The following FOXL2NB variants were observed in gnomAD, a reference collection of about 807,000 sequenced individuals.
FOXL2NB encodes the protein FOXL2 neighbor protein.
In FOXL2NB, 10 loss-of-function variants were observed where a neutral mutation model predicts 7.4. The observed-to-expected ratio is 1.34, with a 90% CI of 0.83 to 2.28. FOXL2NB has a LOEUF of 2.28. Among genes scored for constraint, FOXL2NB ranks in the 30% most tolerant of loss-of-function variants. The probability of loss-of-function intolerance (pLI) is 0.00; values close to 1 mark genes in which losing one functional copy is unlikely to be tolerated. For synonymous variants in FOXL2NB, 104 were observed against 105.3 expected, an observed-to-expected ratio of 0.99 and a Z score of 0.08; for missense variants, 228 against 233.9, an observed-to-expected ratio of 0.97 and a Z score of 0.17.
At position 138,947,645 on chromosome 3, in the gene FOXL2NB, C is replaced by T; in HGVS notation, c.100+181C>T. The T allele has an allele frequency of 7.3e-7, 1 of 1,371,882 alleles. No homozygotes were observed. Among genetic ancestry groups the T allele is most frequent in the Non-Finnish European group, 9.4e-7 (1 of 1,066,452 alleles). 85.0% of individuals were successfully genotyped at this position (1,371,882 alleles called of 1,614,324 possible). A position where few individuals can be genotyped will look rare whatever the true frequency, so the allele number is the denominator to read the frequency against. Reference sequence around the variant, plus strand: ...GTGTGACTGTACGAAGAAGCCTCGGCCTGGCCTGTCCCTCGCGCTCTCAGA... The same window carrying T: ...GTGTGACTGTACGAAGAAGCCTCGGTCTGGCCTGTCCCTCGCGCTCTCAGA... On this transcript the variant is annotated intron_variant, in intron 1 of 2. Coordinates refer to ENST00000383165, the MANE Select transcript of FOXL2NB (RefSeq NM_001040061.3). The surrounding 1 kb of genome is among the most constrained non-coding windows in gnomAD (Gnocchi z 5.2).
rs1346561286 is a variant in FOXL2NB, at chr3:138,949,976, T to C, written c.221-289T>C. On this transcript the variant is annotated intron_variant, in intron 2 of 2. Coordinates refer to ENST00000383165, the MANE Select transcript of FOXL2NB (RefSeq NM_001040061.3). This position sits in a 1 kb window ranked among gnomAD's most constrained non-coding sequence, Gnocchi z 4.5. ...GGGCGACGCAGGGCCCCCGGCTTAG[T>C]GACCTTGGGGCGGCGCTCACCTCCA... 3 of 696,812 alleles carry C rather than the reference T, an allele frequency of 4.3e-6. No homozygotes were observed. The highest frequency in any genetic ancestry group is 7.8e-6 in the Non-Finnish European group (3 of 382,868). 43.2% of individuals were successfully genotyped at this position (696,812 alleles called of 1,614,324 possible).
rs2107750410 is a variant in FOXL2NB at position 138,952,892 on chromosome 3, T to G, written c.*2320T>G. 2.0e-5 allele frequency: 3 copies of G among 152,084 alleles called. No homozygotes were observed. Among genetic ancestry groups the G allele is most frequent in the Admixed American group, 2.0e-4 (3 of 15,258 alleles). The allele number at this position is 152,084 out of a possible 1,614,324, so 9.4% of individuals were successfully genotyped here. A position where few individuals can be genotyped will look rare whatever the true frequency, so the allele number is the denominator to read the frequency against. On this transcript the variant is annotated 3_prime_UTR_variant, in exon 3 of 3. Transcript: ENST00000383165. ...GGTGGTTTTTGCTTACATGGATAAG[T>G]TCTTTAATGGTAATTTCTGAGATTT... is the stretch of plus-strand genomic sequence containing the variant.
At chr3:138,948,051 AAC>A in intron 1 of FOXL2NB, 2 of 888,812 alleles carry the variant, frequency 2.3e-6, no homozygotes, top group Non-Finnish European at 2.7e-6. Flanking sequence ...TACGAGGTAA[AAC>A]ACACTTATAC....
In FOXL2NB at chr3:138,953,136, C is replaced by T. The variant is rs1301580130; in HGVS notation, c.*2564C>T. ...TCAAGTGATTCTCCTGCCTGAACCT[C>T]CTGTGTAGCTGGGACTACAGGCATG... On this transcript the variant is annotated 3_prime_UTR_variant, in exon 3 of 3. Coordinates refer to ENST00000383165, the MANE Select transcript of FOXL2NB (RefSeq NM_001040061.3). 1 of 152,206 alleles carries T rather than the reference C, an allele frequency of 6.6e-6. No homozygotes were observed. The allele number at this position is 152,206 out of a possible 1,614,324, so 9.4% of individuals were successfully genotyped here. A position where few individuals can be genotyped will look rare whatever the true frequency, so the allele number is the denominator to read the frequency against.
At position 138,948,537 on chromosome 3, in the gene FOXL2NB, A is replaced by AG. The variant is rs1157240753; in HGVS notation, c.101-977dup. On this transcript the variant is annotated intron_variant, in intron 1 of 2. Coordinates refer to ENST00000383165, the MANE Select transcript of FOXL2NB (RefSeq NM_001040061.3). ...AGCCCCAAACTCCTTGGTGCTGAGG[A>AG]GGGGGGCAAGGCCACCTTATGGAGG... Among the ~76,000 whole-genome samples, 3 of 152,290 alleles carry AG rather than the reference A, an allele frequency of 2.0e-5. No homozygotes were observed. In the East Asian group the frequency reaches 5.8e-4, roughly 29 times the overall value.
In FOXL2NB at chr3:138,949,367, A is replaced by G; in HGVS notation, c.101-153A>G. On this transcript the variant is annotated intron_variant, in intron 1 of 2. Transcript: ENST00000383165. The surrounding 1 kb of genome is among the most constrained non-coding windows in gnomAD (Gnocchi z 4.5). ...ACTCGGCTCCCTTTTCAGCCTTTAA[A>G]GAGCCTGTGTGTGTATGCATGTGCG... is the stretch of plus-strand genomic sequence containing the variant. The G allele has an allele frequency of 1.2e-6, 1 of 865,346 alleles. No homozygotes were observed. Among genetic ancestry groups the G allele is most frequent in the Non-Finnish European group, 1.7e-6 (1 of 578,564 alleles). The allele number at this position is 865,346 out of a possible 1,614,324, so 53.6% of individuals were successfully genotyped here.
chr3:138,949,855 T>C lies in FOXL2NB; in HGVS notation c.220+216T>C. On this transcript the variant is annotated intron_variant, in intron 2 of 2. Coordinates refer to ENST00000383165, the MANE Select transcript of FOXL2NB (RefSeq NM_001040061.3). The surrounding 1 kb of genome is among the most constrained non-coding windows in gnomAD (Gnocchi z 4.5). ...TACTTCTCAACCTTCGGAGGTAGGCTGGTTGCTGGCGAGGTCGGGATCCTC... is the reference window on the plus strand; with the variant it reads ...TACTTCTCAACCTTCGGAGGTAGGCCGGTTGCTGGCGAGGTCGGGATCCTC... 1.4e-6 allele frequency: 1 copy of C among 729,130 alleles called. No homozygotes were observed. Among genetic ancestry groups the C allele is most frequent in the Non-Finnish European group, 2.4e-6 (1 of 412,460 alleles). 45.2% of individuals were successfully genotyped at this position (729,130 alleles called of 1,614,324 possible). A position where few individuals can be genotyped will look rare whatever the true frequency, so the allele number is the denominator to read the frequency against.
In FOXL2NB at chr3:138,953,811, G is replaced by A. The variant is rs142401849; in HGVS notation, c.*3239G>A. On this transcript the variant is annotated 3_prime_UTR_variant, in exon 3 of 3. Transcript: ENST00000383165. ...GAGCATATAGCATGTATGCCTTTAT[G>A]TCTAGTTTTTTCTGTGCAACATATT... 4.7e-3 allele frequency among the ~76,000 whole-genome samples: 717 copies of A among 152,252 alleles called. 3 individuals carry two copies. The highest frequency in any genetic ancestry group is 0.015 in the African/African-American group (644 of 41,552).
rs1256599963 is a variant in FOXL2NB at position 138,950,726 on chromosome 3, A to C, written c.*154A>C. Reference sequence around the variant, plus strand: ...CTTCTCTCTCCTTCTCCCTCTGTCAACTCCAAATCCCCTCTAGTTCTCCCT... The same window carrying C: ...CTTCTCTCTCCTTCTCCCTCTGTCACCTCCAAATCCCCTCTAGTTCTCCCT... On this transcript the variant is annotated 3_prime_UTR_variant, in exon 3 of 3. Coordinates refer to ENST00000383165, the MANE Select transcript of FOXL2NB (RefSeq NM_001040061.3). 2.7e-6 allele frequency: 2 copies of C among 732,002 alleles called. No homozygotes were observed. The highest frequency in any genetic ancestry group is 1.8e-5 in the African/African-American group (1 of 54,642). The allele number at this position is 732,002 out of a possible 1,614,324, so 45.3% of individuals were successfully genotyped here.
chr3:138,950,215 G>C, intron 2 of FOXL2NB, 50 bp from the exon 3 acceptor site: 1 of 1,594,826 alleles, frequency 6.3e-7, no homozygotes, highest in South Asian at 1.1e-5. Flanking sequence ...GGTCCCGACA[G>C]CCGGCGCGAG....
At position 138,951,846 on chromosome 3, in the gene FOXL2NB, C is replaced by T. The variant is rs57106095; in HGVS notation, c.*1274C>T. The T allele has an allele frequency of 0.088, 13,344 of 152,018 alleles. 1,266 individuals carry two copies. Among genetic ancestry groups the T allele is most frequent in the African/African-American group, 0.24 (9,758 of 41,484 alleles). The allele number at this position is 152,018 out of a possible 1,614,324, so 9.4% of individuals were successfully genotyped here. ...GAGACTCTGCCCTCCACTTCTCACTCAGTGCTCCCCACCAGGATGGGCTTA... is the reference window on the plus strand; with the variant it reads ...GAGACTCTGCCCTCCACTTCTCACTTAGTGCTCCCCACCAGGATGGGCTTA... On this transcript the variant is annotated 3_prime_UTR_variant, in exon 3 of 3. Transcript: ENST00000383165.
At position 138,947,279 on chromosome 3, in the gene FOXL2NB, C is replaced by A; in HGVS notation, c.-86C>A. 1 of 1,085,576 alleles carries A rather than the reference C, an allele frequency of 9.2e-7. No homozygotes were observed. Among genetic ancestry groups the A allele is most frequent in the Non-Finnish European group, 1.3e-6 (1 of 748,206 alleles). The allele number at this position is 1,085,576 out of a possible 1,614,324, so 67.2% of individuals were successfully genotyped here. ...ACAGCCTGGACCGGCCTGCCCCCGC[C>A]CAGCGAGCCTCAGGGGCCCAGCCGA... On this transcript the variant is annotated 5_prime_UTR_variant, in exon 1 of 3. Transcript: ENST00000383165. The surrounding 1 kb of genome is among the most constrained non-coding windows in gnomAD (Gnocchi z 5.2).
chr3:138,948,260 AC>A, intron 1 of FOXL2NB, among the ~76,000 whole-genome samples: 1 of 151,940 alleles, frequency 6.6e-6, no homozygotes, highest in South Asian at 2.1e-4. Flanking sequence ...TGAGGGAGGG[AC>A]TTGTTCAAAT....
At chr3:138,948,852 G>T (rs536947387) in intron 1 of FOXL2NB, among the ~76,000 whole-genome samples, 2 of 152,352 alleles carry the variant, frequency 1.3e-5, no homozygotes, top group East Asian at 3.9e-4. Context: ...CACCAGAGAG[G>T]TCAGCAGGGC....
In FOXL2NB at chr3:138,949,391, C is replaced by CGTGTGTGTGTGT. The variant is rs5852928; in HGVS notation, c.101-114_101-103dup. On this transcript the variant is annotated intron_variant, in intron 1 of 2. Transcript: ENST00000383165. This position sits in a 1 kb window ranked among gnomAD's most constrained non-coding sequence, Gnocchi z 4.5. ...AAGAGCCTGTGTGTGTATGCATGTG[C>CGTGTGTGTGTGT]GTGTGTGTGTGTGTGTGTGTGTGTG... 5,902 of 817,770 alleles carry CGTGTGTGTGTGT rather than the reference C, an allele frequency of 7.2e-3. 117 individuals are homozygous for CGTGTGTGTGTGT. Among genetic ancestry groups the CGTGTGTGTGTGT allele is most frequent in the African/African-American group, 0.069 (3,730 of 54,404 alleles). 50.7% of individuals were successfully genotyped at this position (817,770 alleles called of 1,614,324 possible).
In FOXL2NB at chr3:138,950,266, G is replaced by C; in HGVS notation, c.222G>C (p.Gly74=). ...AVRHSKAQKT[G]PGILQQRQKP... The stretch of plus-strand genomic sequence containing the variant: ...TGATACAGACGCTTTTCTCCCCAGG[G>C]CCGGGAATCCTGCAACAGCGGCAGA... The change falls in exon 3 of 3, where the codon GGG becomes GGC. Residue 74 remains glycine, a splice_region_variant and synonymous_variant. Transcript: ENST00000383165. 2 of 1,603,976 alleles carry C rather than the reference G, an allele frequency of 1.2e-6. No individual in the cohort carries two copies.
Position 138,949,634 on chromosome 3 carries a change from A to G in FOXL2NB, c.215A>G (p.Lys72Arg). Residue 72 changes from lysine to arginine, a missense_variant, in exon 2 of 3, where the codon AAA becomes AGA. Transcript: ENST00000383165. This position sits in a 1 kb window ranked among gnomAD's most constrained non-coding sequence, Gnocchi z 4.5. Reference sequence around the variant, plus strand: ...GCTGTCCGGCATTCGAAGGCTCAGAAAACAGGCAAGAAAATGCGGGCGGGA... The same window carrying G: ...GCTGTCCGGCATTCGAAGGCTCAGAGAACAGGCAAGAAAATGCGGGCGGGA... ...HMAVRHSKAQ[K>R]TGPGILQQRQ... 6.2e-7 allele frequency: 1 copy of G among 1,614,142 alleles called. No homozygotes were observed. Among genetic ancestry groups the G allele is most frequent in the Non-Finnish European group, 8.5e-7 (1 of 1,180,016 alleles).
chr3:138,952,215 T>C lies in FOXL2NB; in HGVS notation c.*1643T>C, dbSNP rs1936145158. 6.6e-6 allele frequency: 1 copy of C among 152,268 alleles called. No homozygotes were observed. Among genetic ancestry groups the C allele is most frequent in the Admixed American group, 6.5e-5 (1 of 15,278 alleles). 9.4% of individuals were successfully genotyped at this position (152,268 alleles called of 1,614,324 possible). On this transcript the variant is annotated 3_prime_UTR_variant, in exon 3 of 3. Transcript: ENST00000383165. ...GGCTTGCAAGGTAAGGCCTGCAGTC[T>C]CCACCCGCACGCTAACCCATGAGGG...
intron 2 of FOXL2NB, 178 bp from the exon 3 acceptor site, chr3:138,950,087 G>T: frequency 1.3e-6 from 1 of 748,714 alleles, no homozygotes; most frequent in Non-Finnish European, 2.3e-6. Context: ...AGCAGCCACC[G>T]GCGCCTCCTG....
Sources: allele counts gnomAD v4.1 joint callset (sites outside exome capture counted in the v4.1 genomes callset), GRCh38; gene constraint gnomAD v4.1.1; non-coding constraint Gnocchi (gnomAD v3.1); transcripts MANE v1.5; gene names NCBI Gene and HGNC (gene_info 2026-07-23, HGNC 2026-07-21).